The following METTL15 variants were observed in gnomAD, a reference collection of about 807,000 sequenced individuals.
The protein encoded by METTL15 is methyltransferase 15, mitochondrial 12S rRNA N4-cytidine, also known as 12S rRNA N(4)-cytidine methyltransferase METTL15.
In METTL15, 34 loss-of-function variants were observed where a neutral mutation model predicts 38.3. That is an observed-to-expected ratio of 0.89 (90% CI 0.68 to 1.18). The LOEUF (loss-of-function observed/expected upper bound fraction) is 1.18, where lower values mean the gene tolerates loss of function less well. Ranked by LOEUF, METTL15 falls within the 50% of genes most tolerant of loss-of-function variation. The pLI is 0.00. For synonymous variants in METTL15, 162 were observed against 170.9 expected (o/e 0.95, Z 0.41); for missense variants, 438 against 498.4 (o/e 0.88, Z 1.15).
chr11:28,134,623 C>T (rs1250637337), intron 3 of METTL15: 15 of 398,368 alleles, frequency 3.8e-5, no homozygotes, highest in Admixed American at 1.8e-4. Context: ...TTTGGAAAAG[C>T]GGCAGTTAGG....
chr11:28,516,571 T>C (rs533193912), intron 6 of METTL15, among the ~76,000 whole-genome samples: 3 of 152,350 alleles, frequency 2.0e-5, no homozygotes, highest in Non-Finnish European at 2.9e-5. Flanking sequence ...ATTAAGTGCC[T>C]ACTTTTTGCT....
At chr11:28,500,365 T>C (rs1470700295) in intron 6 of METTL15, among the ~76,000 whole-genome samples, 1 of 152,216 alleles carries the variant, frequency 6.6e-6, no homozygotes, top group Non-Finnish European at 1.5e-5. Context: ...TCTCACTTTG[T>C]AAAATGCCTA....
At chr11:28,134,310 T>C (rs926093544) in intron 3 of METTL15, among the ~76,000 whole-genome samples, 1 of 152,130 alleles carries the variant, frequency 6.6e-6, no homozygotes, top group African/African-American at 2.4e-5. Flanking sequence ...AAAAGGGCTT[T>C]TTACATATAT....
At chr11:28,216,625 A>G (rs1364644192) in intron 4 of METTL15, among the ~76,000 whole-genome samples, 1 of 152,022 alleles carries the variant, frequency 6.6e-6, no homozygotes, top group Non-Finnish European at 1.5e-5. Flanking sequence ...GATTTATTAC[A>G]TATGTATACA....
chr11:28,503,781 G>T (rs1242190873), intron 6 of METTL15, among the ~76,000 whole-genome samples: 1 of 151,418 alleles, frequency 6.6e-6, no homozygotes, highest in African/African-American at 2.4e-5. Context: ...ACAGAACAAG[G>T]CTCCATCTCG....
intron 6 of METTL15, among the ~76,000 whole-genome samples, chr11:28,448,376 A>G (rs1332404281): frequency 6.6e-6 from 1 of 152,126 alleles, no homozygotes. Flanking sequence ...TTGAGTTCTC[A>G]TTATGTGCCA....
At chr11:28,171,092 T>C (rs1590860009) in intron 3 of METTL15, among the ~76,000 whole-genome samples, 1 of 152,230 alleles carries the variant, frequency 6.6e-6, no homozygotes, top group Non-Finnish European at 1.5e-5. Flanking sequence ...TTTCCACTTA[T>C]GTTCTGTTCC....
In METTL15 at chr11:28,330,818, C is replaced by CT. The variant is rs1272503058; in HGVS notation, c.1203dup (p.Arg402Ter). 2 of 1,540,208 alleles carry CT rather than the reference C, an allele frequency of 1.3e-6. No individual in the cohort carries two copies. The highest frequency in any genetic ancestry group is 1.7e-6 in the Non-Finnish European group (2 of 1,143,620). On this transcript the variant is annotated frameshift_variant, in exon 7 of 7. Transcript: ENST00000407364. LOFTEE classifies it high-confidence loss of function. ...TAACCCCAGAGGGCGCTCAGCCAAG[C>CT]TTAGAGCAGCTATCAAATTATAAGT...
At chr11:28,109,016 T>A (rs1421288505) in intron 1 of METTL15, among the ~76,000 whole-genome samples, 7 of 152,346 alleles carry the variant, frequency 4.6e-5, no homozygotes, top group Admixed American at 3.9e-4. Context: ...AGCAATTATT[T>A]AGATTTTAGA....
intron 6 of METTL15, among the ~76,000 whole-genome samples, chr11:28,426,368 T>C (rs1478592839): frequency 6.6e-6 from 1 of 152,180 alleles, no homozygotes; most frequent in Non-Finnish European, 1.5e-5. Context: ...TGATTCCATA[T>C]CTTTGCTATT....
intron 3 of METTL15, chr11:28,163,234 G>A: frequency 2.5e-6 from 1 of 395,116 alleles, no homozygotes; most frequent in Non-Finnish European, 4.5e-6. Flanking sequence ...AAATATTCAT[G>A]TGGGTGTTTT....
intron 5 of METTL15, among the ~76,000 whole-genome samples, chr11:28,390,152 T>C (rs1170486587): frequency 0.035 from 5,359 of 151,474 alleles, 310 homozygotes; most frequent in African/African-American, 0.12. Context: ...GAGTAGGTTG[T>C]GAAAATTTTC....
intron 3 of METTL15, among the ~76,000 whole-genome samples, chr11:28,196,677 T>G (rs1397008145): frequency 6.6e-6 from 1 of 151,962 alleles, no homozygotes; most frequent in Non-Finnish European, 1.5e-5. Context: ...GAAAGACTTT[T>G]TTTTTTTAAA....
At chr11:28,409,816 A>G (rs1329367120) in intron 5 of METTL15, among the ~76,000 whole-genome samples, 1 of 152,146 alleles carries the variant, frequency 6.6e-6, no homozygotes, top group African/African-American at 2.4e-5. Context: ...TAGAAAAATA[A>G]TAGAAAACAA....
intron 3 of METTL15, among the ~76,000 whole-genome samples, chr11:28,192,395 A>G (rs1352961724): frequency 1.3e-5 from 2 of 150,454 alleles, no homozygotes; most frequent in African/African-American, 2.4e-5. Context: ...ACCACAATGT[A>G]GTTATTCCTT....
chr11:28,267,439 C>T (rs1855470471), intron 4 of METTL15, among the ~76,000 whole-genome samples: 1 of 152,174 alleles, frequency 6.6e-6, no homozygotes, highest in Non-Finnish European at 1.5e-5. Flanking sequence ...TTATTAAAAT[C>T]ATAATTCCAG....
intron 6 of METTL15, chr11:28,327,471 A>G (rs1849675650): frequency 6.6e-6 from 1 of 152,314 alleles, no homozygotes; most frequent in Non-Finnish European, 1.5e-5. Flanking sequence ...GCAGATTCAT[A>G]TATACTAGGG....
intron 4 of METTL15, among the ~76,000 whole-genome samples, chr11:28,281,913 C>G (rs1289998547): frequency 3.3e-5 from 5 of 152,126 alleles, no homozygotes; most frequent in African/African-American, 4.8e-5. Flanking sequence ...GATTACTCCA[C>G]TGAATAAATT....
At chr11:28,271,636 T>C (rs1225013869) in intron 4 of METTL15, among the ~76,000 whole-genome samples, 1 of 152,190 alleles carries the variant, frequency 6.6e-6, no homozygotes, top group Admixed American at 6.5e-5. Context: ...CAATAGACTT[T>C]TTCTCCTGGC....
Sources: gnomAD v4.1 joint callset for allele counts (sites outside exome capture counted in the v4.1 genomes callset) on GRCh38, gnomAD v4.1.1 for gene constraint, MANE v1.5 for transcripts, NCBI Gene and HGNC (gene_info 2026-07-23, HGNC 2026-07-21) for gene names.